SVOPL: variants seen among roughly 807,000 people sequenced by gnomAD.
The protein encoded by SVOPL is SVOP like.
Under a neutral mutation model 61.0 loss-of-function variants are expected in SVOPL, and 60 were observed. The observed-to-expected ratio is 0.98, with a 90% confidence interval of 0.80 to 1.22. The LOEUF is 1.22. Among genes scored for constraint, SVOPL ranks in the 50% most tolerant of loss-of-function variants. The probability of loss-of-function intolerance (pLI) is 0.00; values close to 1 mark genes in which losing one functional copy is unlikely to be tolerated. For missense variants in SVOPL, 662 were observed against 643.9 expected, an observed-to-expected ratio of 1.03 and a Z score of -0.30; for synonymous variants, 279 against 250.0, an observed-to-expected ratio of 1.12 and a Z score of -1.09.
intron 9 of SVOPL, among the ~76,000 whole-genome samples, chr7:138,639,728 C>T (rs1398054642): frequency 6.6e-6 from 1 of 152,070 alleles, no homozygotes; most frequent in Non-Finnish European, 1.5e-5. Context: ...GGGTCTCGCC[C>T]TGTTGTCCGG....
chr7:138,665,259 A>C (rs1466257469), intron 4 of SVOPL, among the ~76,000 whole-genome samples: 1 of 149,410 alleles, frequency 6.7e-6, no homozygotes, highest in East Asian at 2.0e-4. Flanking sequence ...TCATAGCCCC[A>C]CAATTCTTTA....
chr7:138,619,834 G>A (rs753223), intron 14 of SVOPL, among the ~76,000 whole-genome samples: 12,747 of 152,144 alleles, frequency 0.084, 781 homozygotes, highest in African/African-American at 0.17. Context: ...TTCAGAGAGA[G>A]CTAATCAGTG....
chr7:138,621,802 GTATC>G lies in SVOPL; in HGVS notation c.1264-671_1264-668del, dbSNP rs1199631916. 2.2e-3 allele frequency among the ~76,000 whole-genome samples: 269 copies of G among 121,854 alleles called. 4 individuals carry two copies. Among genetic ancestry groups the G allele is most frequent in the African/African-American group, 8.4e-3 (240 of 28,542 alleles). 79.9% of individuals were successfully genotyped at this position (121,854 alleles called of 152,430 possible). On this transcript the variant is annotated intron_variant, in intron 13 of 15. Coordinates refer to ENST00000674285, the MANE Select transcript of SVOPL (RefSeq NM_001139456.2). Reference sequence around the variant, plus strand: ...ATATTCTATCTATCTATCTATCTATGTATCTATCTATGTATCTATGTATCTATGT... The same window carrying G: ...ATATTCTATCTATCTATCTATCTATGTATCTATGTATCTATGTATCTATGT...
At chr7:138,632,305 G>A (rs759751898) in intron 9 of SVOPL, among the ~76,000 whole-genome samples, 106 of 152,156 alleles carry the variant, frequency 7.0e-4, no homozygotes, top group Admixed American at 4.6e-4. Context: ...GTGATGGCAC[G>A]CACCTGTAAT....
At chr7:138,620,124 G>GT (rs68156955) in intron 14 of SVOPL, among the ~76,000 whole-genome samples, 31,824 of 114,586 alleles carry the variant, frequency 0.28, 5,564 homozygotes, top group East Asian at 0.39. Flanking sequence ...TTTCTGTTTT[G>GT]TTTTTTTTTT....
chr7:138,606,453 T>C (rs1267197386), intron 14 of SVOPL, among the ~76,000 whole-genome samples: 2 of 152,172 alleles, frequency 1.3e-5, no homozygotes, highest in South Asian at 2.1e-4. Context: ...TAACTGCCCT[T>C]ATCTGTGCAG....
chr7:138,609,958 A>T (rs1467184934), intron 14 of SVOPL, among the ~76,000 whole-genome samples: 1 of 152,078 alleles, frequency 6.6e-6, no homozygotes, highest in Non-Finnish European at 1.5e-5. Flanking sequence ...CTAACTCCTG[A>T]CCGCAAATGA....
chr7:138,605,640 C>CAAAAAAAAA (rs1159063438), intron 14 of SVOPL, among the ~76,000 whole-genome samples: 1 of 84,288 alleles, frequency 1.2e-5, no homozygotes. Flanking sequence ...CTAACCTGGG[C>CAAAAAAAAA]AAAAAAAAAA....
At position 138,666,207 on chromosome 7, in the gene SVOPL, C is replaced by T. The variant is rs138794243; in HGVS notation, c.274-3062G>A. Among the ~76,000 whole-genome samples, 1,407 of 152,312 alleles carry T rather than the reference C, an allele frequency of 9.2e-3. 11 individuals carry two copies. The highest frequency in any genetic ancestry group is 0.078 in the Middle Eastern group (23 of 294). On this transcript the variant is annotated intron_variant, in intron 4 of 15. Coordinates refer to ENST00000674285, the MANE Select transcript of SVOPL (RefSeq NM_001139456.2). Reference sequence around the variant, plus strand: ...TGCCTTCCTGGATACACCTATGGCCCGGCCACGGTTCGCCATGGCACAGGA... The same window carrying T: ...TGCCTTCCTGGATACACCTATGGCCTGGCCACGGTTCGCCATGGCACAGGA...
chr7:138,647,564 T>C (rs2117013302), intron 8 of SVOPL, among the ~76,000 whole-genome samples: 1 of 150,740 alleles, frequency 6.6e-6, no homozygotes, highest in Non-Finnish European at 1.5e-5. Flanking sequence ...AGTAGTCACA[T>C]GTCTGGCCGG....
chr7:138,655,557 T>A (rs1284758469), intron 7 of SVOPL, among the ~76,000 whole-genome samples: 1 of 150,056 alleles, frequency 6.7e-6, no homozygotes, highest in Non-Finnish European at 1.5e-5. Context: ...CAAGGTGATA[T>A]AAGCTACACA....
Position 138,594,414 on chromosome 7 carries a change from A to G in SVOPL, c.*196T>C, listed in dbSNP as rs1349676867. 2 of 384,074 alleles carry G rather than the reference A, an allele frequency of 5.2e-6. No homozygotes were observed. Among genetic ancestry groups the G allele is most frequent in the Non-Finnish European group, 9.2e-6 (2 of 216,228 alleles). The allele number at this position is 384,074 out of a possible 1,614,324, so 23.8% of individuals were successfully genotyped here. On this transcript the variant is annotated 3_prime_UTR_variant, in exon 16 of 16. Coordinates refer to ENST00000674285, the MANE Select transcript of SVOPL (RefSeq NM_001139456.2). ...AGCTTAAATTATATTTTATAAAAGT[A>G]CTTTATATATTGTTCCTCAAGGAAG...
intron 4 of SVOPL, among the ~76,000 whole-genome samples, chr7:138,665,932 A>G (rs1322272451): frequency 6.6e-6 from 1 of 152,192 alleles, no homozygotes; most frequent in Non-Finnish European, 1.5e-5. Flanking sequence ...TGAAAACCAC[A>G]GCCTTGCACA....
chr7:138,699,643 G>A (rs1417727681), intron 1 of SVOPL, among the ~76,000 whole-genome samples: 3 of 152,232 alleles, frequency 2.0e-5, no homozygotes, highest in Middle Eastern at 3.4e-3. Flanking sequence ...ATTCTCCTGT[G>A]TTCTACATTG....
Position 138,684,685 on chromosome 7 carries a change from C to G in SVOPL, c.-34-5606G>C, listed in dbSNP as rs199504707. ...GTGGGAATGTAAATTGGTGCAGCCA[C>G]TATGGAAAACAGTATTGAACTATCC... On this transcript the variant is annotated intron_variant, in intron 1 of 15. Transcript: ENST00000674285. Among the ~76,000 whole-genome samples, 3 of 152,280 alleles carry G rather than the reference C, an allele frequency of 2.0e-5. No individual in the cohort carries two copies. The East Asian group carries it at 5.8e-4, about 29-fold the overall frequency.
At chr7:138,640,017 A>C (rs556430953) in intron 9 of SVOPL, among the ~76,000 whole-genome samples, 1 of 152,034 alleles carries the variant, frequency 6.6e-6, no homozygotes, top group Non-Finnish European at 1.5e-5. Flanking sequence ...CAGCCTCCCA[A>C]AGTGCTGGGA....
At chr7:138,621,978 C>CTATG (rs1799616652) in intron 13 of SVOPL, among the ~76,000 whole-genome samples, 1 of 51,124 alleles carries the variant, frequency 2.0e-5, no homozygotes, top group Non-Finnish European at 4.8e-5. Context: ...ATCTATGTAT[C>CTATG]TATCTATCTA....
chr7:138,606,067 C>G (rs573840512), intron 14 of SVOPL, among the ~76,000 whole-genome samples: 1 of 151,770 alleles, frequency 6.6e-6, no homozygotes, highest in East Asian at 1.9e-4. Flanking sequence ...CCAGGTCACT[C>G]AAGTAAGAGT....
intron 1 of SVOPL, among the ~76,000 whole-genome samples, chr7:138,700,403 A>T (rs558554197): frequency 7.7e-6 from 1 of 129,478 alleles, no homozygotes; most frequent in Non-Finnish European, 1.5e-5. Context: ...CCGTGGTGTG[A>T]TCTTGGCTCA....
Sources: gnomAD v4.1 joint callset for allele counts (sites outside exome capture counted in the v4.1 genomes callset) on GRCh38, gnomAD v4.1.1 for gene constraint, MANE v1.5 for transcripts, NCBI Gene and HGNC (gene_info 2026-07-23, HGNC 2026-07-21) for gene names.